The following VPS13B variants were observed in gnomAD, a reference collection of about 807,000 sequenced individuals.
VPS13B encodes the protein vacuolar protein sorting 13 homolog B.
Under a neutral mutation model 426.4 loss-of-function variants are expected in VPS13B, and 285 were observed. That is an observed-to-expected ratio of 0.67 (90% CI 0.61 to 0.74). The LOEUF is 0.74. Among genes scored for constraint, VPS13B ranks in the 30% least tolerant of loss-of-function variants. VPS13B has a pLI of 0.00. For missense variants in VPS13B, 4,537 were observed against 4,782.6 expected (o/e 0.95, Z 1.51); for synonymous variants, 1,676 against 1,676.4 (o/e 1.00, Z 0.01).
At chr8:99,820,734 T>C (rs912295655) in intron 49 of VPS13B, among the ~76,000 whole-genome samples, 1 of 152,132 alleles carries the variant, frequency 6.6e-6, no homozygotes, top group Non-Finnish European at 1.5e-5. Flanking sequence ...GACACACAAA[T>C]CTATTTAAAA....
chr8:99,040,925 AT>A (rs1000573089), intron 3 of VPS13B, among the ~76,000 whole-genome samples: 3 of 152,150 alleles, frequency 2.0e-5, no homozygotes, highest in Non-Finnish European at 4.4e-5. Flanking sequence ...GTGAAGGTCA[AT>A]TTAATTCTAC....
chr8:99,278,906 T>A lies in VPS13B; in HGVS notation c.2824+3652T>A, dbSNP rs1286755708. Among the ~76,000 whole-genome samples, 6 of 152,202 alleles carry A rather than the reference T, an allele frequency of 3.9e-5. 1 individual carries two copies. ...AAGGAGCTGAAGGCTCTTATTAGAA[T>A]ACAGTATGCCAGCACACATTCTGTA... On this transcript the variant is annotated intron_variant, in intron 19 of 61. Transcript: ENST00000357162.
At chr8:99,320,581 A>C (rs1323510348) in intron 19 of VPS13B, among the ~76,000 whole-genome samples, 1 of 152,230 alleles carries the variant, frequency 6.6e-6, no homozygotes, top group Non-Finnish European at 1.5e-5. Flanking sequence ...TTTTAATGCA[A>C]CTTATTACTT....
At chr8:99,523,459 G>T (rs1421592843) in intron 30 of VPS13B, among the ~76,000 whole-genome samples, 1 of 152,226 alleles carries the variant, frequency 6.6e-6, no homozygotes, top group Non-Finnish European at 1.5e-5. Flanking sequence ...AGTCCCAATG[G>T]TGGTGGCAGC....
chr8:99,400,367 G>A lies in VPS13B; in HGVS notation c.3082+8663G>A, dbSNP rs145522583. Among the ~76,000 whole-genome samples the A allele has an allele frequency of 5.3e-5, 8 of 152,258 alleles. No individual in the cohort carries two copies. In the East Asian group the frequency reaches 5.8e-4, roughly 11 times the overall value. ...GGCAGGCTAACATTTTGTTAAAAGC[G>A]TTACTGAATACTAAGAAGGAATAAA... On this transcript the variant is annotated intron_variant, in intron 21 of 61. Transcript: ENST00000357162.
intron 61 of VPS13B, chr8:99,875,215 T>C: frequency 1.4e-6 from 1 of 719,268 alleles, no homozygotes; most frequent in South Asian, 1.7e-5. Flanking sequence ...CTAAGTCTCA[T>C]GCACAACTTT....
intron 30 of VPS13B, among the ~76,000 whole-genome samples, chr8:99,551,752 C>G (rs1220073681): frequency 6.6e-6 from 1 of 151,724 alleles, no homozygotes; most frequent in Non-Finnish European, 1.5e-5. Context: ...ATATTATTAT[C>G]CAGTGTCTTA....
chr8:99,267,860 G>C (rs1455763382), intron 17 of VPS13B, among the ~76,000 whole-genome samples: 1 of 152,178 alleles, frequency 6.6e-6, no homozygotes, highest in African/African-American at 2.4e-5. Flanking sequence ...TCCAGGGCAT[G>C]TCAGAGACCT....
intron 35 of VPS13B, among the ~76,000 whole-genome samples, chr8:99,679,061 T>G (rs753519151): frequency 1.5e-4 from 23 of 152,200 alleles, no homozygotes; most frequent in Non-Finnish European, 3.2e-4. Context: ...CCCTTTTTCT[T>G]TGCCCACTCT....
intron 19 of VPS13B, among the ~76,000 whole-genome samples, chr8:99,363,621 T>C (rs986988917): frequency 2.6e-5 from 4 of 152,206 alleles, no homozygotes; most frequent in Non-Finnish European, 4.4e-5. Flanking sequence ...ATATTTTTAT[T>C]TTATTGTGCC....
intron 19 of VPS13B, among the ~76,000 whole-genome samples, chr8:99,359,492 C>T (rs1263497123): frequency 6.6e-6 from 1 of 151,958 alleles, no homozygotes; most frequent in Non-Finnish European, 1.5e-5. Flanking sequence ...GCAGATACCA[C>T]AATGAAAGAC....
chr8:99,406,708 A>G (rs1274217622), intron 21 of VPS13B, among the ~76,000 whole-genome samples: 1 of 152,194 alleles, frequency 6.6e-6, no homozygotes, highest in Non-Finnish European at 1.5e-5. Flanking sequence ...GGGTTGGGGA[A>G]TTGCAGGTAA....
At chr8:99,092,127 A>G (rs1846182393) in intron 3 of VPS13B, 1 of 152,182 alleles carries the variant, frequency 6.6e-6, no homozygotes. Flanking sequence ...AAAGTGAGTA[A>G]CATGAACTCA....
intron 3 of VPS13B, among the ~76,000 whole-genome samples, chr8:99,050,264 T>G (rs1843463186): frequency 6.6e-6 from 1 of 151,906 alleles, no homozygotes. Context: ...AATTCCCACC[T>G]ATAAGTGAGA....
At chr8:99,365,171 T>C (rs1240012008) in intron 19 of VPS13B, among the ~76,000 whole-genome samples, 2 of 151,754 alleles carry the variant, frequency 1.3e-5, no homozygotes, top group Non-Finnish European at 2.9e-5. Context: ...TTTTTTTTTT[T>C]CTTTATCTGG....
intron 33 of VPS13B, among the ~76,000 whole-genome samples, chr8:99,604,452 T>G (rs1209292689): frequency 6.6e-6 from 1 of 151,782 alleles, no homozygotes; most frequent in African/African-American, 2.4e-5. Context: ...TATGTCTCCA[T>G]AGGTTCCTCT....
In VPS13B at chr8:99,391,676, C is replaced by T; in HGVS notation, c.3054C>T (p.Ser1018=). ...CATATCAGGCCTCTGAATATGCCAG[C>T]AGCCCTGTAAAAACAAAAACGGTAA... ...QQSYQASEYA[S]SPVKTKTVTE... Residue 1018 remains serine, a synonymous_variant, in exon 21 of 62, where the codon AGC becomes AGT. Transcript: ENST00000357162. 1 of 1,614,044 alleles carries T rather than the reference C, an allele frequency of 6.2e-7. No individual in the cohort carries two copies. Among genetic ancestry groups the T allele is most frequent in the South Asian group, 1.1e-5 (1 of 91,078 alleles).
At chr8:99,493,599 A>G (rs897250643) in intron 25 of VPS13B, among the ~76,000 whole-genome samples, 5 of 152,092 alleles carry the variant, frequency 3.3e-5, no homozygotes, top group African/African-American at 1.2e-4. Context: ...ATCCTGGCCA[A>G]CATGGCAAAA....
intron 21 of VPS13B, among the ~76,000 whole-genome samples, chr8:99,394,783 C>T (rs1018612927): frequency 6.6e-5 from 10 of 152,070 alleles, no homozygotes; most frequent in African/African-American, 1.7e-4. Flanking sequence ...TTACTTCTCA[C>T]GTCAACATAA....
Sources: allele counts gnomAD v4.1 joint callset (sites outside exome capture counted in the v4.1 genomes callset), GRCh38; gene constraint gnomAD v4.1.1; transcripts MANE v1.5; gene names NCBI Gene and HGNC (gene_info 2026-07-23, HGNC 2026-07-21).